Variants in POTEE observed in about 807,000 individuals in gnomAD.
POTEE encodes the protein POTE ankyrin domain family member E.
Under a neutral mutation model 74.2 loss-of-function variants are expected in POTEE, and 21 were observed. That is an observed-to-expected ratio of 0.28 (90% confidence interval 0.20 to 0.41). The LOEUF is 0.41. Ranked by LOEUF, POTEE falls within the 10% of genes least tolerant of loss-of-function variation. The pLI, the probability that POTEE is intolerant of heterozygous loss-of-function variation, is 1.00. For missense variants in POTEE, 525 were observed against 1,158.6 expected (o/e 0.45, Z 7.94); for synonymous variants, 211 against 432.8 (o/e 0.49, Z 6.36).
intron 1 of POTEE, among the ~76,000 whole-genome samples, chr2:131,210,086 C>T (rs1254106688): frequency 3.5e-5 from 5 of 144,490 alleles, no homozygotes; most frequent in Middle Eastern, 3.3e-3. Flanking sequence ...GCACTATTTT[C>T]TGCTGCACTG....
At chr2:131,256,885 T>C (rs771263949) in intron 16 of POTEE, among the ~76,000 whole-genome samples, 15 of 152,306 alleles carry the variant, frequency 9.8e-5, no homozygotes, top group Non-Finnish European at 2.1e-4. Flanking sequence ...TGAGATTCAA[T>C]TGGGAACATA....
chr2:131,211,540 G>GTGTGTGTGTGTGT (rs70994742), intron 2 of POTEE, among the ~76,000 whole-genome samples: 36 of 65,400 alleles, frequency 5.5e-4, no homozygotes, highest in African/African-American at 6.9e-4. Flanking sequence ...GTGTGTGTGT[G>GTGTGTGTGTGTGT]GCTTTTTTTT....
In POTEE at chr2:131,264,934, C is replaced by G. The variant is rs1274844828; in HGVS notation, c.*251C>G. On this transcript the variant is annotated 3_prime_UTR_variant, in exon 18 of 18. Transcript: ENST00000683005. ...ATTGTTCTTCTTTTCAATAGTCATT[C>G]CAAATATTGTGAGACGCATTGTTTC... is the stretch of plus-strand genomic sequence containing the variant. The G allele has an allele frequency of 4.8e-6, 3 of 628,862 alleles. No homozygotes were observed. Among genetic ancestry groups the G allele is most frequent in the Non-Finnish European group, 8.3e-6 (3 of 363,390 alleles). The allele number at this position is 628,862 out of a possible 1,614,324, so 39.0% of individuals were successfully genotyped here.
In POTEE at chr2:131,264,962, G is replaced by A. The variant is rs976954009; in HGVS notation, c.*279G>A. 1.0e-5 allele frequency: 6 copies of A among 582,298 alleles called. No homozygotes were observed. The highest frequency in any genetic ancestry group is 7.5e-5 in the African/African-American group (4 of 53,182). The allele number at this position is 582,298 out of a possible 1,614,324, so 36.1% of individuals were successfully genotyped here. On this transcript the variant is annotated 3_prime_UTR_variant, in exon 18 of 18. Coordinates refer to ENST00000683005, the MANE Select transcript of POTEE (RefSeq NM_001083538.3). ...AATATTGTGAGACGCATTGTTTCAGGAAGCCCCTTGCCCTGCTAAAAGCCA... is the reference window on the plus strand; with the variant it reads ...AATATTGTGAGACGCATTGTTTCAGAAAGCCCCTTGCCCTGCTAAAAGCCA...
chr2:131,211,495 A>T, intron 2 of POTEE, among the ~76,000 whole-genome samples: 5 of 76,754 alleles, frequency 6.5e-5, no homozygotes, highest in Non-Finnish European at 1.1e-4. Flanking sequence ...GCATTGTCTC[A>T]TTCTTAACAA....
intron 12 of POTEE, among the ~76,000 whole-genome samples, chr2:131,239,892 A>G (rs1421941263): frequency 6.6e-6 from 1 of 152,192 alleles, no homozygotes; most frequent in East Asian, 1.9e-4. Context: ...ATGAGTTCTC[A>G]TTATTTAGTT....
chr2:131,223,528 A>T (rs1215671951), intron 4 of POTEE, 68 bp from the exon 5 acceptor site: 1 of 1,593,496 alleles, frequency 6.3e-7, no homozygotes, highest in Non-Finnish European at 8.5e-7. Flanking sequence ...GTTTGCAGTT[A>T]CATGAATCAT....
intron 2 of POTEE, among the ~76,000 whole-genome samples, chr2:131,211,520 C>CTCTGTGTGTGTGTGTGTGTGTGTG (rs1553474098): frequency 4.0e-5 from 2 of 50,266 alleles, no homozygotes; most frequent in African/African-American, 5.8e-5. Context: ...TAGGGGGTGA[C>CTCTGTGTGTGTGTGTGTGTGTGTG]TGTGTGTGTG....
intron 3 of POTEE, among the ~76,000 whole-genome samples, 77 bp downstream of exon 3, chr2:131,217,760 GCC>G (rs1700477964): frequency 8.0e-5 from 1 of 12,426 alleles, no homozygotes; most frequent in Admixed American, 2.9e-3. Flanking sequence ...CACGCCGCAC[GCC>G]GCACGCGCAC....
At chr2:131,258,562 A>G (rs1701624352) in intron 16 of POTEE, among the ~76,000 whole-genome samples, 1 of 151,996 alleles carries the variant, frequency 6.6e-6, no homozygotes, top group Non-Finnish European at 1.5e-5. Context: ...TAATAGTGAT[A>G]TTGTTATACA....
intron 1 of POTEE, among the ~76,000 whole-genome samples, chr2:131,210,541 A>G (rs1468626191): frequency 3.3e-5 from 5 of 151,362 alleles, no homozygotes; most frequent in Non-Finnish European, 5.9e-5. Flanking sequence ...TCTTTTCCAG[A>G]CTCCAGAGTT....
intron 4 of POTEE, among the ~76,000 whole-genome samples, chr2:131,220,482 G>C (rs982516763): frequency 2.6e-5 from 4 of 151,018 alleles, no homozygotes; most frequent in African/African-American, 9.9e-5. Context: ...GGGGTTACAG[G>C]CGTGAGCCAC....
chr2:131,219,704 T>A (rs572681267), intron 4 of POTEE, among the ~76,000 whole-genome samples: 1 of 151,152 alleles, frequency 6.6e-6, no homozygotes, highest in African/African-American at 2.4e-5. Flanking sequence ...GCCACCGCAC[T>A]CCAGCCTGGG....
At position 131,220,884 on chromosome 2, in the gene POTEE, C is replaced by A. The variant is rs369983187; in HGVS notation, c.521+1961C>A. 3.4e-5 allele frequency among the ~76,000 whole-genome samples: 5 copies of A among 147,786 alleles called. No individual in the cohort carries two copies. The East Asian group carries it at 1.0e-3, about 30-fold the overall frequency. ...GCTGAAGCAAGAGAATTGCTTGAACCAGGGAGGTGGAGGTTGCAGTGAGCC... is the reference window on the plus strand; with the variant it reads ...GCTGAAGCAAGAGAATTGCTTGAACAAGGGAGGTGGAGGTTGCAGTGAGCC... On this transcript the variant is annotated intron_variant, in intron 4 of 17. Coordinates refer to ENST00000683005, the MANE Select transcript of POTEE (RefSeq NM_001083538.3).
rs958499573 is a variant in POTEE, at chr2:131,226,736, A to C, written c.811-87A>C. 3 of 1,591,564 alleles carry C rather than the reference A, an allele frequency of 1.9e-6. No homozygotes were observed. In the African/African-American group the frequency reaches 4.1e-5, roughly 21 times the overall value. On this transcript the variant is annotated intron_variant, in intron 6 of 17. Transcript: ENST00000683005. ...ATTTACTTTCTATGCGTGTAAGTCC[A>C]TAAGATCTTACATAAAGTTTCCACT... is the stretch of plus-strand genomic sequence containing the variant.
intron 10 of POTEE, 49 bp from the exon 11 acceptor site, chr2:131,238,145 A>C: frequency 6.3e-7 from 1 of 1,599,210 alleles, no homozygotes; most frequent in South Asian, 1.1e-5. Context: ...AAGAGGAGAC[A>C]TCACAGAAAC....
intron 9 of POTEE, among the ~76,000 whole-genome samples, chr2:131,234,019 T>A (rs1429945139): frequency 6.6e-6 from 1 of 151,294 alleles, no homozygotes; most frequent in Non-Finnish European, 1.5e-5. Context: ...CCAGCATTTA[T>A]AACTCGCATC....
At chr2:131,225,979 G>A (rs1280819291) in intron 6 of POTEE, among the ~76,000 whole-genome samples, 1 of 152,160 alleles carries the variant, frequency 6.6e-6, no homozygotes, top group Non-Finnish European at 1.5e-5. Context: ...CTTTCAATAA[G>A]TAGAGGATGG....
chr2:131,252,695 TTAAA>T, intron 15 of POTEE, 125 bp downstream of exon 15: 4 of 552,066 alleles, frequency 7.2e-6, no homozygotes, highest in Non-Finnish European at 9.1e-6. Context: ...CAGTGAAAAA[TTAAA>T]TAGTTAACTC....
Sources: allele counts gnomAD v4.1 joint callset (sites outside exome capture counted in the v4.1 genomes callset), GRCh38; gene constraint gnomAD v4.1.1; transcripts MANE v1.5; gene names NCBI Gene and HGNC (gene_info 2026-07-23, HGNC 2026-07-21).